The following TLR3 variants were observed in gnomAD, a reference collection of about 807,000 sequenced individuals.
The protein encoded by TLR3 is toll-like receptor 3.
Under a neutral mutation model 66.4 loss-of-function variants are expected in TLR3, and 43 were observed. The ratio of observed to expected loss-of-function variants is 0.65; its 90% CI spans 0.51 to 0.83. TLR3 has a LOEUF of 0.83. Ranked by LOEUF, TLR3 falls within the 40% of genes least tolerant of loss-of-function variation. TLR3 has a pLI of 0.00. For synonymous variants in TLR3, 397 were observed against 397.2 expected (o/e 1.00, Z 0.01); for missense variants, 982 against 1,044.6 (o/e 0.94, Z 0.83).
At position 186,083,330 on chromosome 4, in the gene TLR3, C is replaced by T. The variant is rs147873871; in HGVS notation, c.1644C>T (p.His548=). 50 of 1,614,166 alleles carry T rather than the reference C, an allele frequency of 3.1e-5. No homozygotes were observed. In the African/African-American group the frequency reaches 4.7e-4, roughly 15 times the overall value. The change falls in exon 4 of 5, where the codon CAC becomes CAT. Residue 548 remains histidine, a synonymous_variant. Coordinates refer to ENST00000296795, the MANE Select transcript of TLR3 (RefSeq NM_003265.3). This position sits in a 1 kb window ranked among gnomAD's most constrained non-coding sequence, Gnocchi z 4.0. The part of the protein sequence containing the change: ...QHNNLARLWK[H]ANPGGPIYFL... ...ACAACTTAGCACGGCTCTGGAAACA[C>T]GCAAACCCTGGTGGTCCCATTTATT...
intron 1 of TLR3, among the ~76,000 whole-genome samples, chr4:186,070,148 C>T (rs11730143): frequency 0.12 from 18,626 of 151,858 alleles, 1,412 homozygotes; most frequent in East Asian, 0.2. Flanking sequence ...TTTTCATTTT[C>T]TTTATTTCTG....
At position 186,077,051 on chromosome 4, in the gene TLR3, C is replaced by G; in HGVS notation, c.432C>G (p.Val144=). Reference sequence around the variant, plus strand: ...AGAAAATTAAAAATAATCCCTTTGTCAAGCAGAAGGTAAGTTGAAAATGTC... The same window carrying G: ...AGAAAATTAAAAATAATCCCTTTGTGAAGCAGAAGGTAAGTTGAAAATGTC... ...SIQKIKNNPF[V]KQKNLITLDL... The change falls in exon 2 of 5, where the codon GTC becomes GTG. Residue 144 remains valine, a synonymous_variant. Coordinates refer to ENST00000296795, the MANE Select transcript of TLR3 (RefSeq NM_003265.3). 2 of 1,613,680 alleles carry G rather than the reference C, an allele frequency of 1.2e-6. No homozygotes were observed. Among genetic ancestry groups the G allele is most frequent in the African/African-American group, 2.7e-5 (2 of 74,990 alleles).
At position 186,083,905 on chromosome 4, in the gene TLR3, G is replaced by C. The variant is rs756691747; in HGVS notation, c.2219G>C (p.Arg740Pro). 1.9e-6 allele frequency: 3 copies of C among 1,614,068 alleles called. No individual in the cohort carries two copies. In the South Asian group the frequency reaches 3.3e-5, roughly 18 times the overall value. The change falls in exon 4 of 5, where the codon CGA (arginine) becomes CCA (proline). Residue 740 changes from arginine to proline, a missense_variant. This residue lies in a region of TLR3 where 666 missense variants were observed against 709.0 expected (regional missense o/e 0.94). Coordinates refer to ENST00000296795, the MANE Select transcript of TLR3 (RefSeq NM_003265.3). This position sits in a 1 kb window ranked among gnomAD's most constrained non-coding sequence, Gnocchi z 4.0. The stretch of plus-strand genomic sequence containing the variant: ...TTTTATTGGAATGTTTCAGTACATC[G>C]AGTTCTTGGTTTCAAAGAAATAGAC... ...ISFYWNVSVH[R>P]VLGFKEIDRQ...
rs772483077 is a variant in TLR3, at chr4:186,078,969, C to T, written c.571C>T (p.Leu191=). Residue 191 remains leucine, a synonymous_variant, in exon 3 of 5, where the codon CTG becomes TTG. Coordinates refer to ENST00000296795, the MANE Select transcript of TLR3 (RefSeq NM_003265.3). ...NKIQALKSEE[L]DIFANSSLKK... is the part of the protein sequence containing the mutation. ...AATTCAAGCGCTAAAAAGTGAAGAA[C>T]TGGATATCTTTGCCAATTCATCTTT... 6.2e-7 allele frequency: 1 copy of T among 1,613,782 alleles called. No individual in the cohort carries two copies. Among genetic ancestry groups the T allele is most frequent in the African/African-American group, 1.3e-5 (1 of 74,888 alleles).
At chr4:186,072,329 G>A (rs1303602981) in intron 1 of TLR3, among the ~76,000 whole-genome samples, 2 of 152,020 alleles carry the variant, frequency 1.3e-5, no homozygotes, top group African/African-American at 2.4e-5. Flanking sequence ...TGGGGGGAGT[G>A]GGGGCGAAGT....
At chr4:186,084,421 G>A (rs866715245) in intron 4 of TLR3, among the ~76,000 whole-genome samples, 2 of 151,518 alleles carry the variant, frequency 1.3e-5, no homozygotes, top group East Asian at 1.9e-4. Flanking sequence ...GGGTTTCACC[G>A]TGTTGGCCAG....
chr4:186,087,966 G>A lies in TLR3; in HGVS notation c.*3093G>A, dbSNP rs1458158375. 6.6e-6 allele frequency: 1 copy of A among 152,172 alleles called. No individual in the cohort carries two copies. Among genetic ancestry groups the A allele is most frequent in the Admixed American group, 6.6e-5 (1 of 15,266 alleles). 9.4% of individuals were successfully genotyped at this position (152,172 alleles called of 1,614,324 possible). A position where few individuals can be genotyped will look rare whatever the true frequency, so the allele number is the denominator to read the frequency against. The stretch of plus-strand genomic sequence containing the variant: ...GTTATGGTAATAATTGTACAACTAT[G>A]TAAATTTACTGAAAGTCATTGAGTT... On this transcript the variant is annotated 3_prime_UTR_variant, in exon 5 of 5. Transcript: ENST00000296795.
At chr4:186,073,372 T>C (rs532008199) in intron 1 of TLR3, among the ~76,000 whole-genome samples, 1 of 151,970 alleles carries the variant, frequency 6.6e-6, no homozygotes, top group Non-Finnish European at 1.5e-5. Flanking sequence ...ATATAAAAAT[T>C]AGCCAGGCAT....
At chr4:186,079,170 T>C (rs1323805817) in intron 3 of TLR3, 139 bp downstream of exon 3, 2 of 825,482 alleles carry the variant, frequency 2.4e-6, no homozygotes, top group Non-Finnish European at 3.8e-6. Flanking sequence ...CTTGGGGGCA[T>C]TGGTGTCATC....
At chr4:186,074,977 C>A (rs146829197) in intron 1 of TLR3, among the ~76,000 whole-genome samples, 1 of 151,890 alleles carries the variant, frequency 6.6e-6, no homozygotes, top group Non-Finnish European at 1.5e-5. Context: ...GACAACAGTG[C>A]CTTCTTCTGG....
chr4:186,078,263 T>TA (rs1295763315), intron 2 of TLR3, among the ~76,000 whole-genome samples: 3 of 152,160 alleles, frequency 2.0e-5, no homozygotes, highest in Non-Finnish European at 4.4e-5. Context: ...CAAAGGGTGA[T>TA]AAAAACATCC....
intron 4 of TLR3, 44 bp from the exon 5 acceptor site, chr4:186,084,601 G>C (rs749008830): frequency 7.5e-7 from 1 of 1,326,960 alleles, no homozygotes; most frequent in Non-Finnish European, 1.1e-6. Flanking sequence ...GCTTCTGGCT[G>C]TTAAAAACCG....
At chr4:186,077,548 T>G (rs2099302646) in intron 2 of TLR3, among the ~76,000 whole-genome samples, 1 of 152,214 alleles carries the variant, frequency 6.6e-6, no homozygotes, top group Non-Finnish European at 1.5e-5. Flanking sequence ...TGGTGTCACT[T>G]TTTCAATGAT....
chr4:186,079,414 G>A (rs1410194213), intron 3 of TLR3, among the ~76,000 whole-genome samples: 1 of 152,160 alleles, frequency 6.6e-6, no homozygotes, highest in Non-Finnish European at 1.5e-5. Flanking sequence ...TAGCTGGCTT[G>A]GTCTCTGGGC....
chr4:186,087,145 T>G lies in TLR3; in HGVS notation c.*2272T>G, dbSNP rs1173340685. ...TGGTAGAATGTTGGGATTTTTCCAT[T>G]TGATTGAGTTCTAGGAAGCCTTTAG... On this transcript the variant is annotated 3_prime_UTR_variant, in exon 5 of 5. Transcript: ENST00000296795. 1.3e-5 allele frequency: 2 copies of G among 152,202 alleles called. No individual in the cohort carries two copies. The highest frequency in any genetic ancestry group is 3.8e-4 in the East Asian group (2 of 5,198). 9.4% of individuals were successfully genotyped at this position (152,202 alleles called of 1,614,324 possible).
chr4:186,084,987 G>A lies in TLR3; in HGVS notation c.*114G>A, dbSNP rs1305630952. The A allele has an allele frequency of 2.4e-6, 2 of 833,620 alleles. No individual in the cohort carries two copies. The highest frequency in any genetic ancestry group is 3.8e-6 in the Non-Finnish European group (2 of 520,082). 51.6% of individuals were successfully genotyped at this position (833,620 alleles called of 1,614,324 possible). A position where few individuals can be genotyped will look rare whatever the true frequency, so the allele number is the denominator to read the frequency against. On this transcript the variant is annotated 3_prime_UTR_variant, in exon 5 of 5. Transcript: ENST00000296795. The stretch of plus-strand genomic sequence containing the variant: ...AATTTGTTTATTCATATTTGTAAAT[G>A]ATTATATTCTATCACAATTACATCT...
intron 1 of TLR3, among the ~76,000 whole-genome samples, chr4:186,076,022 C>T (rs957639158): frequency 1.3e-5 from 2 of 151,698 alleles, no homozygotes; most frequent in Admixed American, 6.6e-5. Flanking sequence ...GGTGTGGTGG[C>T]GGGTGCCTGT....
Position 186,084,156 on chromosome 4 carries a change from G to A in TLR3, c.2470G>A (p.Asp824Asn), listed in dbSNP as rs1245905357. ...TGTTATAACACACCATCTATTAAAAGACCCATTATGCAAAAGGTAGGTAAA... is the reference window on the plus strand; with the variant it reads ...TGTTATAACACACCATCTATTAAAAAACCCATTATGCAAAAGGTAGGTAAA... ...IFVITHHLLK[D>N]PLCKRFKVHH... is the part of the protein sequence containing the mutation. Residue 824 changes from aspartate (D) to asparagine (N), a missense_variant, in exon 4 of 5, where the codon GAC becomes AAC. By Grantham distance (23) the Asp-to-Asn change is conservative (BLOSUM62 1). Coordinates refer to ENST00000296795, the MANE Select transcript of TLR3 (RefSeq NM_003265.3). The A allele has an allele frequency of 1.9e-6, 3 of 1,613,478 alleles. No individual in the cohort carries two copies. Among genetic ancestry groups the A allele is most frequent in the Non-Finnish European group, 2.5e-6 (3 of 1,179,874 alleles).
chr4:186,074,842 C>T (rs896157458), intron 1 of TLR3, among the ~76,000 whole-genome samples: 2 of 151,646 alleles, frequency 1.3e-5, no homozygotes, highest in African/African-American at 4.9e-5. Flanking sequence ...AACGAAGACA[C>T]AAACACACAC....
Sources: gnomAD v4.1 joint callset for allele counts (sites outside exome capture counted in the v4.1 genomes callset) on GRCh38, gnomAD v4.1.1 for gene constraint, gnomAD v4.1.1 regional missense constraint, Gnocchi (gnomAD v3.1) non-coding constraint, MANE v1.5 for transcripts, NCBI Gene and HGNC (gene_info 2026-07-23, HGNC 2026-07-21) for gene names.